BICD1: variants seen among roughly 807,000 people sequenced by gnomAD.
The protein encoded by BICD1 is protein bicaudal D homolog 1.
A neutral mutation model predicts 92.5 loss-of-function variants in BICD1; 35 were observed. That is an observed-to-expected ratio of 0.38 (90% CI 0.29 to 0.50). The LOEUF is 0.50. Ranked by LOEUF, BICD1 falls within the 20% of genes least tolerant of loss-of-function variation. BICD1 has a pLI of 0.93. For synonymous variants in BICD1, 429 were observed against 465.1 expected (o/e 0.92, Z 1.00); for missense variants, 950 against 1,189.8 (o/e 0.80, Z 2.97).
intron 1 of BICD1, among the ~76,000 whole-genome samples, chr12:32,120,895 G>GAGA (rs1254544740): frequency 1.6e-4 from 4 of 24,770 alleles, no homozygotes; most frequent in African/African-American, 1.2e-3. Context: ...GAGAGAGAGA[G>GAGA]AAAAAAAAAA....
chr12:32,225,885 A>G (rs1166004332), intron 2 of BICD1, among the ~76,000 whole-genome samples: 7 of 151,468 alleles, frequency 4.6e-5, no homozygotes, highest in Admixed American at 2.6e-4. Context: ...GCCTCCCAAA[A>G]TGCTGAGATT....
intron 1 of BICD1, among the ~76,000 whole-genome samples, chr12:32,138,903 G>T (rs1393738481): frequency 6.6e-6 from 1 of 152,144 alleles, no homozygotes; most frequent in Non-Finnish European, 1.5e-5. Context: ...TATGGGCATT[G>T]TAAGTTCTAA....
intron 9 of BICD1, among the ~76,000 whole-genome samples, chr12:32,375,678 T>A (rs1939927139): frequency 6.6e-6 from 1 of 152,208 alleles, no homozygotes; most frequent in Non-Finnish European, 1.5e-5. Context: ...CAGCAAAGCT[T>A]CTTTTAAACT....
chr12:32,155,254 C>T lies in BICD1; in HGVS notation c.213+47710C>T, dbSNP rs867743037. On this transcript the variant is annotated intron_variant, in intron 1 of 9. Transcript: ENST00000652176. ...AAGCAATCATTTACACTTGTTATTA[C>T]CCAGGGGCATTTCAAACTGTTACTG... Among the ~76,000 whole-genome samples, 13 of 152,258 alleles carry T rather than the reference C, an allele frequency of 8.5e-5. No individual in the cohort carries two copies. The Middle Eastern group carries it at 0.017, about 199-fold the overall frequency.
At chr12:32,163,673 C>A (rs982997267) in intron 1 of BICD1, among the ~76,000 whole-genome samples, 2 of 152,086 alleles carry the variant, frequency 1.3e-5, no homozygotes, top group Non-Finnish European at 2.9e-5. Flanking sequence ...ATTGCTGTTT[C>A]CCGTTTTCCA....
At chr12:32,264,679 G>T (rs925915288) in intron 2 of BICD1, among the ~76,000 whole-genome samples, 1 of 151,952 alleles carries the variant, frequency 6.6e-6, no homozygotes, top group Non-Finnish European at 1.5e-5. Context: ...GTAGAGATGG[G>T]GTTTCACCAT....
intron 8 of BICD1, 56 bp from the exon 9 acceptor site, chr12:32,367,614 A>G: frequency 6.5e-7 from 1 of 1,532,538 alleles, no homozygotes; most frequent in Non-Finnish European, 9.0e-7. Context: ...CACTGTTACT[A>G]ACACCTTGCT....
At chr12:32,358,606 G>A (rs1176554538) in intron 8 of BICD1, among the ~76,000 whole-genome samples, 1 of 151,898 alleles carries the variant, frequency 6.6e-6, no homozygotes, top group Non-Finnish European at 1.5e-5. Context: ...GCGTGGTGGT[G>A]CATGCCTGTA....
rs568560150 is a variant in BICD1 at position 32,378,752 on chromosome 12, C to T, written c.*1125C>T. On this transcript the variant is annotated 3_prime_UTR_variant, in exon 10 of 10. Coordinates refer to ENST00000652176, the MANE Select transcript of BICD1 (RefSeq NM_001714.4). ...GTTAGTTTTTTTCATAACGAATCTT[C>T]CTTGCCAAAAAAACAATAGATAATA... is the stretch of plus-strand genomic sequence containing the variant. 3.2e-4 allele frequency: 49 copies of T among 152,210 alleles called. No individual in the cohort carries two copies. Among genetic ancestry groups the T allele is most frequent in the African/African-American group, 1.1e-3 (47 of 41,546 alleles). The allele number at this position is 152,210 out of a possible 1,614,324, so 9.4% of individuals were successfully genotyped here.
intron 3 of BICD1, among the ~76,000 whole-genome samples, chr12:32,303,597 A>T (rs1948125658): frequency 6.6e-6 from 1 of 152,172 alleles, no homozygotes; most frequent in East Asian, 1.9e-4. Flanking sequence ...TTAAAGGGAG[A>T]CAGTGTGCTC....
Position 32,313,235 on chromosome 12 carries a change from A to G in BICD1, c.1005+7113A>G, listed in dbSNP as rs539930763. 6.6e-6 allele frequency among the ~76,000 whole-genome samples: 1 copy of G among 152,324 alleles called. No individual in the cohort carries two copies. Among genetic ancestry groups the G allele is most frequent in the South Asian group, 2.1e-4 (1 of 4,832 alleles). ...GCATCCTCATGGATGTGGAAGAAATATATTCATATTATGTTTTGATCCACT... is the reference window on the plus strand; with the variant it reads ...GCATCCTCATGGATGTGGAAGAAATGTATTCATATTATGTTTTGATCCACT... On this transcript the variant is annotated intron_variant, in intron 4 of 9. Transcript: ENST00000652176. This position sits in a 1 kb window ranked among gnomAD's most constrained non-coding sequence, Gnocchi z 4.2.
chr12:32,255,788 C>A (rs896110658), intron 2 of BICD1, among the ~76,000 whole-genome samples: 1 of 152,162 alleles, frequency 6.6e-6, no homozygotes. Flanking sequence ...ATAGGACATC[C>A]CTGATACCCA....
chr12:32,107,084 C>G lies in BICD1; in HGVS notation c.-248C>G. The G allele has an allele frequency of 2.0e-6, 1 of 503,130 alleles. No individual in the cohort carries two copies. Among genetic ancestry groups the G allele is most frequent in the Non-Finnish European group, 3.6e-6 (1 of 279,332 alleles). 31.2% of individuals were successfully genotyped at this position (503,130 alleles called of 1,614,324 possible). A position where few individuals can be genotyped will look rare whatever the true frequency, so the allele number is the denominator to read the frequency against. ...CAGGGGCCGGCCCCGAGGACACATG[C>G]GGCGGCCTTTGCCGCCTCGCCCCTG... On this transcript the variant is annotated 5_prime_UTR_variant, in exon 1 of 10. Coordinates refer to ENST00000652176, the MANE Select transcript of BICD1 (RefSeq NM_001714.4).
At chr12:32,275,644 G>T (rs921060941) in intron 2 of BICD1, among the ~76,000 whole-genome samples, 1 of 151,864 alleles carries the variant, frequency 6.6e-6, no homozygotes, top group African/African-American at 2.4e-5. Flanking sequence ...TTCGCTTGCC[G>T]TCCACCACTG....
At chr12:32,268,249 G>A (rs556513095) in intron 2 of BICD1, among the ~76,000 whole-genome samples, 1 of 152,272 alleles carries the variant, frequency 6.6e-6, no homozygotes, top group African/African-American at 2.4e-5. Context: ...AACAGAAGTT[G>A]TTTTTCTTCC....
intron 1 of BICD1, among the ~76,000 whole-genome samples, chr12:32,112,221 G>A (rs1295023689): frequency 6.6e-6 from 1 of 152,076 alleles, no homozygotes; most frequent in Non-Finnish European, 1.5e-5. Flanking sequence ...GGTGAGGTTG[G>A]TCTTGAACTC....
intron 1 of BICD1, chr12:32,108,042 C>G (rs1306539647): frequency 3.3e-6 from 1 of 306,284 alleles, no homozygotes; most frequent in Non-Finnish European, 6.3e-6. Flanking sequence ...TCCCATTTGA[C>G]AAAGGCTAGG....
At chr12:32,228,041 T>A in intron 2 of BICD1, 1 of 248,210 alleles carries the variant, frequency 4.0e-6, no homozygotes. Flanking sequence ...TGAAGGACTC[T>A]GGCACATTCT....
At chr12:32,182,269 TC>T (rs1944291913) in intron 1 of BICD1, among the ~76,000 whole-genome samples, 2 of 126,360 alleles carry the variant, frequency 1.6e-5, no homozygotes, top group Non-Finnish European at 3.4e-5. Flanking sequence ...TTTCTTTCTT[TC>T]TTTCTTTCTT....
Sources: gnomAD v4.1 joint callset for allele counts (sites outside exome capture counted in the v4.1 genomes callset) on GRCh38, gnomAD v4.1.1 for gene constraint, Gnocchi (gnomAD v3.1) non-coding constraint, MANE v1.5 for transcripts, NCBI Gene and HGNC (gene_info 2026-07-23, HGNC 2026-07-21) for gene names.